Variants in SCFD2 observed in about 807,000 individuals in gnomAD.
SCFD2 encodes sec1 family domain containing 2.
SCFD2 carries 54 observed loss-of-function variants against 58.9 expected under a neutral mutation model. The observed-to-expected ratio is 0.92, with a 90% CI of 0.74 to 1.15. The LOEUF is 1.15. Among genes scored for constraint, SCFD2 ranks in the 50% most tolerant of loss-of-function variants. The pLI, the probability that SCFD2 is intolerant of heterozygous loss-of-function variation, is 0.00. For synonymous variants in SCFD2, 321 were observed against 335.9 expected (o/e 0.96, Z 0.49); for missense variants, 805 against 836.6 (o/e 0.96, Z 0.47).
intron 4 of SCFD2, among the ~76,000 whole-genome samples, chr4:53,159,889 G>T (rs1283991695): frequency 6.6e-6 from 1 of 152,114 alleles, no homozygotes; most frequent in Non-Finnish European, 1.5e-5. Flanking sequence ...TATTTTGTAT[G>T]TATACCTACC....
chr4:53,345,334 A>G (rs1194463871), intron 2 of SCFD2, among the ~76,000 whole-genome samples: 1 of 152,232 alleles, frequency 6.6e-6, no homozygotes, highest in Non-Finnish European at 1.5e-5. Context: ...CAGCCAACAG[A>G]CACATGAAAA....
intron 3 of SCFD2, among the ~76,000 whole-genome samples, chr4:53,300,854 G>C (rs1001162896): frequency 3.2e-4 from 49 of 152,170 alleles, no homozygotes; most frequent in Non-Finnish European, 6.5e-4. Flanking sequence ...TGACTACTGG[G>C]TAAATAATGA....
intron 5 of SCFD2, among the ~76,000 whole-genome samples, chr4:53,069,828 C>T (rs1723767951): frequency 6.6e-6 from 1 of 152,020 alleles, no homozygotes; most frequent in Admixed American, 6.6e-5. Context: ...TTCTCCCTGA[C>T]ACTTAAATAT....
intron 4 of SCFD2, among the ~76,000 whole-genome samples, chr4:53,167,482 G>A (rs1270217431): frequency 6.6e-6 from 1 of 152,170 alleles, no homozygotes; most frequent in Non-Finnish European, 1.5e-5. Flanking sequence ...TGAATATTGA[G>A]CAGGAACATT....
chr4:53,365,390 C>T lies in SCFD2; in HGVS notation c.552G>A (p.Val184=), dbSNP rs758953512. The T allele has an allele frequency of 7.4e-6, 12 of 1,614,068 alleles. No individual in the cohort carries two copies. Among genetic ancestry groups the T allele is most frequent in the African/African-American group, 2.7e-5 (2 of 74,930 alleles). ...ASLFPLLPQD[V]HLLNSARPDK... Reference sequence around the variant, plus strand: ...CCGGTCGGGCGCTATTAAGGAGGTGCACATCCTGGGGTAGCAGTGGGAAAA... The same window carrying T: ...CCGGTCGGGCGCTATTAAGGAGGTGTACATCCTGGGGTAGCAGTGGGAAAA... Residue 184 remains valine (V), a synonymous_variant, in exon 1 of 9, where the codon GTG becomes GTA. Coordinates refer to ENST00000401642, the MANE Select transcript of SCFD2 (RefSeq NM_152540.4). This position sits in a 1 kb window ranked among gnomAD's most constrained non-coding sequence, Gnocchi z 4.3.
chr4:53,345,591 T>A (rs547270523), intron 2 of SCFD2, among the ~76,000 whole-genome samples: 6 of 152,086 alleles, frequency 3.9e-5, no homozygotes, highest in Non-Finnish European at 7.3e-5. Flanking sequence ...GCAATCCCAT[T>A]ACTGGGTATA....
intron 2 of SCFD2, among the ~76,000 whole-genome samples, chr4:53,345,606 C>G (rs1239226428): frequency 6.6e-6 from 1 of 151,766 alleles, no homozygotes; most frequent in Non-Finnish European, 1.5e-5. Flanking sequence ...GGTATATACC[C>G]GAAGGATTAT....
At chr4:53,204,036 G>A (rs543616615) in intron 4 of SCFD2, among the ~76,000 whole-genome samples, 7 of 152,178 alleles carry the variant, frequency 4.6e-5, no homozygotes, top group Non-Finnish European at 7.4e-5. Flanking sequence ...TCTATTCCAT[G>A]TAGGAAACTG....
chr4:53,234,610 A>C (rs1217516418), intron 4 of SCFD2, among the ~76,000 whole-genome samples: 2 of 152,174 alleles, frequency 1.3e-5, no homozygotes, highest in African/African-American at 4.8e-5. Context: ...TTTCTTTGGA[A>C]AATTTAAAAA....
At chr4:53,203,982 A>T (rs1386298424) in intron 4 of SCFD2, among the ~76,000 whole-genome samples, 1 of 152,154 alleles carries the variant, frequency 6.6e-6, no homozygotes, top group East Asian at 1.9e-4. Flanking sequence ...GACACTACGT[A>T]CCCTTTCTTC....
rs568150674 is a variant in SCFD2 at position 53,162,877 on chromosome 4, T to A, written c.1312-17295A>T. Among the ~76,000 whole-genome samples the A allele has an allele frequency of 1.0e-3, 151 of 151,124 alleles. 1 individual carries two copies. The highest frequency in any genetic ancestry group is 1.7e-3 in the Non-Finnish European group (115 of 67,780). On this transcript the variant is annotated intron_variant, in intron 4 of 8. Coordinates refer to ENST00000401642, the MANE Select transcript of SCFD2 (RefSeq NM_152540.4). ...TAATAAAATAAAATAAAATAAAAAA[T>A]AAATAAATAAATAAAAATAAAAGCT... is the stretch of plus-strand genomic sequence containing the variant.
chr4:53,015,750 G>A lies in SCFD2; in HGVS notation c.1562-94880C>T, dbSNP rs78410172. On this transcript the variant is annotated intron_variant, in intron 5 of 8. Coordinates refer to ENST00000401642, the MANE Select transcript of SCFD2 (RefSeq NM_152540.4). ...CTTTAAAACTGATTAAGTTTGGGGA[G>A]AAGAGAAATAGCAAATTGATAAACG... 4.6e-5 allele frequency among the ~76,000 whole-genome samples: 7 copies of A among 152,256 alleles called. No homozygotes were observed. The East Asian group carries it at 1.3e-3, about 29-fold the overall frequency.
intron 5 of SCFD2, among the ~76,000 whole-genome samples, chr4:53,072,404 A>G (rs1334556741): frequency 6.6e-6 from 1 of 152,126 alleles, no homozygotes; most frequent in African/African-American, 2.4e-5. Context: ...GCAACCTGGA[A>G]GCTTGCACAG....
intron 4 of SCFD2, among the ~76,000 whole-genome samples, chr4:53,264,208 T>C (rs1470665643): frequency 2.0e-5 from 3 of 152,154 alleles, no homozygotes; most frequent in Admixed American, 6.5e-5. Flanking sequence ...GGCTGAGAAC[T>C]TCCCCAGACC....
chr4:53,207,505 A>ACACACAAACATAAT (rs1560385129), intron 4 of SCFD2, among the ~76,000 whole-genome samples: 1 of 12,322 alleles, frequency 8.1e-5, no homozygotes, highest in African/African-American at 3.5e-4. Flanking sequence ...ATATATATAT[A>ACACACAAACATAAT]TTATATATAT....
chr4:53,201,040 ATACTT>A (rs1365848703), intron 4 of SCFD2, among the ~76,000 whole-genome samples: 3 of 151,874 alleles, frequency 2.0e-5, no homozygotes, highest in Non-Finnish European at 2.9e-5. Flanking sequence ...TATTATTATT[ATACTT>A]TAAGTTTTAG....
In SCFD2 at chr4:53,273,925, A is replaced by T. The variant is rs1325443825; in HGVS notation, c.1212T>A (p.Cys404Ter). Reference protein sequence around the residue: ...KNNLKALMNHCGLLQLGLATA... With the variant: ...KNNLKALMNH ...TGGCCAGTCCAAGCTGGAGGAGGCCACAATGATTCATTAGAGCTTTGAGGT... is the reference window on the plus strand; with the variant it reads ...TGGCCAGTCCAAGCTGGAGGAGGCCTCAATGATTCATTAGAGCTTTGAGGT... Residue 404 changes from cysteine (C) to a stop codon, truncating the protein, a stop_gained, in exon 4 of 9, where the codon TGT (cysteine) becomes TGA (stop). Coordinates refer to ENST00000401642, the MANE Select transcript of SCFD2 (RefSeq NM_152540.4). LOFTEE classifies it high-confidence loss of function. 3 of 1,613,892 alleles carry T rather than the reference A, an allele frequency of 1.9e-6. No homozygotes were observed. Among genetic ancestry groups the T allele is most frequent in the Non-Finnish European group, 2.5e-6 (3 of 1,179,936 alleles).
At chr4:52,953,584 G>A (rs1405559729) in intron 5 of SCFD2, among the ~76,000 whole-genome samples, 1 of 152,210 alleles carries the variant, frequency 6.6e-6, no homozygotes, top group Non-Finnish European at 1.5e-5. Context: ...TGTGAATTCA[G>A]TTTCCTTATT....
chr4:53,022,219 A>T (rs1178392865), intron 5 of SCFD2, among the ~76,000 whole-genome samples: 1 of 152,200 alleles, frequency 6.6e-6, no homozygotes, highest in Non-Finnish European at 1.5e-5. Context: ...AGGAACAAAC[A>T]TGGAAAAATG....
Sources: gnomAD v4.1 joint callset for allele counts (sites outside exome capture counted in the v4.1 genomes callset) on GRCh38, gnomAD v4.1.1 for gene constraint, Gnocchi (gnomAD v3.1) non-coding constraint, MANE v1.5 for transcripts, NCBI Gene and HGNC (gene_info 2026-07-23, HGNC 2026-07-21) for gene names.